Variants in FGF7 observed in about 807,000 individuals in gnomAD.
FGF7 encodes FGF-7.
FGF7 carries 6 observed loss-of-function variants against 20.5 expected under a neutral mutation model. That is an observed-to-expected ratio of 0.29 (90% CI 0.16 to 0.58). The LOEUF is 0.58. Ranked by LOEUF, FGF7 falls within the 20% of genes least tolerant of loss-of-function variation. FGF7 has a pLI of 0.90. For missense variants in FGF7, 144 were observed against 228.8 expected (o/e 0.63, Z 2.39); for synonymous variants, 64 against 74.7 (o/e 0.86, Z 0.74).
rs1267759951 is a variant in FGF7, at chr15:49,450,837, GT to G, written c.286+26260del. On this transcript the variant is annotated intron_variant, in intron 2 of 3. Transcript: ENST00000267843. ...TGTTACAGGCAATTGGATAGCTTAG[GT>G]TTTTTGTCTGAAGCTGCCCAGTTAT... 2.0e-5 allele frequency among the ~76,000 whole-genome samples: 3 copies of G among 152,112 alleles called. No homozygotes were observed. The South Asian group carries it at 6.2e-4, about 32-fold the overall frequency.
rs1473209221 is a variant in FGF7 at position 49,478,619 on chromosome 15, AT to A, written c.287-4530del. ...GAGGGTATATTTGATCAAGGACAAG[AT>A]TAAATGTTCTGATTGGCTAACCATC... On this transcript the variant is annotated intron_variant, in intron 2 of 3. Coordinates refer to ENST00000267843, the MANE Select transcript of FGF7 (RefSeq NM_002009.4). 6.6e-5 allele frequency among the ~76,000 whole-genome samples: 10 copies of A among 152,154 alleles called. 1 individual carries two copies. Among genetic ancestry groups the A allele is most frequent in the Non-Finnish European group, 1.5e-4 (10 of 68,014 alleles).
chr15:49,477,058 T>C (rs1380078657), intron 2 of FGF7, among the ~76,000 whole-genome samples: 4 of 96,070 alleles, frequency 4.2e-5, no homozygotes, highest in Non-Finnish European at 8.1e-5. Context: ...AGACTCTGTC[T>C]CGAAAAAAAA....
intron 2 of FGF7, among the ~76,000 whole-genome samples, chr15:49,432,277 T>C (rs958765986): frequency 6.6e-6 from 1 of 151,700 alleles, no homozygotes; most frequent in Non-Finnish European, 1.5e-5. Flanking sequence ...ATTTCCAAAC[T>C]GTGTTTCTTT....
At chr15:49,443,695 TCTTA>T (rs1206846003) in intron 2 of FGF7, among the ~76,000 whole-genome samples, 2 of 151,768 alleles carry the variant, frequency 1.3e-5, no homozygotes, top group African/African-American at 2.4e-5. Flanking sequence ...TTTACCTTCT[TCTTA>T]CTTATTAACA....
intron 2 of FGF7, among the ~76,000 whole-genome samples, chr15:49,461,394 A>T (rs2053782562): frequency 6.6e-6 from 1 of 152,252 alleles, no homozygotes; most frequent in Non-Finnish European, 1.5e-5. Context: ...GAAAAACATT[A>T]AATACATATT....
At chr15:49,430,246 C>G (rs542769133) in intron 2 of FGF7, among the ~76,000 whole-genome samples, 96 of 151,900 alleles carry the variant, frequency 6.3e-4, no homozygotes, top group Non-Finnish European at 1.2e-3. Flanking sequence ...GTACCACAGC[C>G]TCACAATGAC....
intron 2 of FGF7, among the ~76,000 whole-genome samples, chr15:49,479,618 T>TTTTTG (rs2055726449): frequency 7.2e-6 from 1 of 138,202 alleles, no homozygotes; most frequent in African/African-American, 2.8e-5. Flanking sequence ...TTTTTTTTTT[T>TTTTTG]TTTTTTTTTT....
chr15:49,476,487 C>T (rs983200438), intron 2 of FGF7, among the ~76,000 whole-genome samples: 2 of 151,808 alleles, frequency 1.3e-5, no homozygotes. Flanking sequence ...CTACAATTTC[C>T]AAAGTGTGTT....
rs2056338221 is a variant in FGF7 at position 49,485,554 on chromosome 15, C to T, written c.*1050C>T. 6.6e-6 allele frequency: 1 copy of T among 152,368 alleles called. No individual in the cohort carries two copies. Among genetic ancestry groups the T allele is most frequent in the African/African-American group, 2.4e-5 (1 of 41,410 alleles). 9.4% of individuals were successfully genotyped at this position (152,368 alleles called of 1,614,324 possible). On this transcript the variant is annotated 3_prime_UTR_variant, in exon 4 of 4. Coordinates refer to ENST00000267843, the MANE Select transcript of FGF7 (RefSeq NM_002009.4). ...ATAACAAAACTGTCTGGCTCAACGG[C>T]AAGTTTCCCTCCCTTTTCTGACTGA...
At position 49,485,816 on chromosome 15, in the gene FGF7, T is replaced by C. The variant is rs1033387883; in HGVS notation, c.*1312T>C. On this transcript the variant is annotated 3_prime_UTR_variant, in exon 4 of 4. Transcript: ENST00000267843. ...TTGAATGCATGGGTAGAAAATATCA[T>C]ATTTTAAAACTATGTATATTTAAAT... 7 of 152,234 alleles carry C rather than the reference T, an allele frequency of 4.6e-5. No individual in the cohort carries two copies. The highest frequency in any genetic ancestry group is 1.7e-4 in the African/African-American group (7 of 41,454). The allele number at this position is 152,234 out of a possible 1,614,324, so 9.4% of individuals were successfully genotyped here. A position where few individuals can be genotyped will look rare whatever the true frequency, so the allele number is the denominator to read the frequency against.
intron 2 of FGF7, among the ~76,000 whole-genome samples, chr15:49,478,395 A>AT (rs1332418797): frequency 6.6e-6 from 1 of 151,050 alleles, no homozygotes; most frequent in Non-Finnish European, 1.5e-5. Flanking sequence ...ATATTGATAT[A>AT]TTTTTTGCAT....
In FGF7 at chr15:49,424,432, C is replaced by T. The variant is rs746522643; in HGVS notation, c.135C>T (p.Asn45=). 2.5e-6 allele frequency: 4 copies of T among 1,613,660 alleles called. No individual in the cohort carries two copies. The highest frequency in any genetic ancestry group is 8.5e-7 in the Non-Finnish European group (1 of 1,179,716). ...MTPEQMATNV[N]CSSPERHTRS... ...CAGAGCAAATGGCTACAAATGTGAA[C>T]TGTTCCAGCCCTGAGCGACACACAA... Residue 45 remains asparagine, a synonymous_variant, in exon 2 of 4, where the codon AAC becomes AAT. Coordinates refer to ENST00000267843, the MANE Select transcript of FGF7 (RefSeq NM_002009.4).
rs2056110047 is a variant in FGF7 at position 49,483,203 on chromosome 15, G to A, written c.339G>A (p.Val113=). ...VAVGIVAIKG[V]ESEFYLAMNK... is the part of the protein sequence containing the mutation. The stretch of plus-strand genomic sequence containing the variant: ...TTGGAATTGTGGCAATCAAAGGGGT[G>A]GAAAGTGAATTCTATCTTGCAATGA... Residue 113 remains valine, a synonymous_variant, in exon 3 of 4, where the codon GTG becomes GTA. Transcript: ENST00000267843. 5.7e-6 allele frequency: 9 copies of A among 1,592,206 alleles called. No homozygotes were observed. Among genetic ancestry groups the A allele is most frequent in the Non-Finnish European group, 7.7e-6 (9 of 1,176,098 alleles).
chr15:49,482,345 C>G (rs907104358), intron 2 of FGF7, among the ~76,000 whole-genome samples: 7 of 152,040 alleles, frequency 4.6e-5, no homozygotes, highest in African/African-American at 1.7e-4. Flanking sequence ...TTTGTAAATA[C>G]TATTTCAACA....
At chr15:49,429,455 C>T (rs968074999) in intron 2 of FGF7, among the ~76,000 whole-genome samples, 3 of 151,938 alleles carry the variant, frequency 2.0e-5, no homozygotes, top group Non-Finnish European at 2.9e-5. Context: ...CTCTTATCAT[C>T]TCTTTTCTCT....
chr15:49,449,223 T>C (rs923546332), intron 2 of FGF7, among the ~76,000 whole-genome samples: 2 of 151,996 alleles, frequency 1.3e-5, no homozygotes, highest in African/African-American at 2.4e-5. Flanking sequence ...CATAGGCTCA[T>C]ATTGGGCTCC....
At chr15:49,430,077 A>AAG (rs1025727380) in intron 2 of FGF7, among the ~76,000 whole-genome samples, 23 of 151,894 alleles carry the variant, frequency 1.5e-4, no homozygotes, top group African/African-American at 5.6e-4. Flanking sequence ...ATTATGCACC[A>AAG]AGAGGGTTCT....
chr15:49,485,481 A>T lies in FGF7; in HGVS notation c.*977A>T, dbSNP rs2056329664. The T allele has an allele frequency of 1.3e-5, 2 of 152,450 alleles. No individual in the cohort carries two copies. Among genetic ancestry groups the T allele is most frequent in the South Asian group, 4.1e-4 (2 of 4,832 alleles). 9.4% of individuals were successfully genotyped at this position (152,450 alleles called of 1,614,324 possible). On this transcript the variant is annotated 3_prime_UTR_variant, in exon 4 of 4. Coordinates refer to ENST00000267843, the MANE Select transcript of FGF7 (RefSeq NM_002009.4). ...TAAGTTTATGTTATTTATAAAAAAAAAACCTTAATAAGCTGTATCTGTTTC... is the reference window on the plus strand; with the variant it reads ...TAAGTTTATGTTATTTATAAAAAAATAACCTTAATAAGCTGTATCTGTTTC...
At chr15:49,475,727 C>A (rs986866861) in intron 2 of FGF7, among the ~76,000 whole-genome samples, 5 of 152,072 alleles carry the variant, frequency 3.3e-5, no homozygotes, top group African/African-American at 1.2e-4. Context: ...GTGGCTTATA[C>A]TTGTAATCCC....
Sources: allele counts gnomAD v4.1 joint callset (sites outside exome capture counted in the v4.1 genomes callset), GRCh38; gene constraint gnomAD v4.1.1; transcripts MANE v1.5; gene names NCBI Gene and HGNC (gene_info 2026-07-23, HGNC 2026-07-21).